The following NTN1 variants were observed in gnomAD, a reference collection of about 807,000 sequenced individuals.
NTN1 encodes netrin-1.
A neutral mutation model predicts 54.2 loss-of-function variants in NTN1; 11 were observed. The observed-to-expected ratio is 0.20, with a 90% CI of 0.13 to 0.34. The LOEUF is 0.34. Among genes scored for constraint, NTN1 ranks in the 10% least tolerant of loss-of-function variants. NTN1 has a pLI of 1.00. For synonymous variants in NTN1, 371 were observed against 382.0 expected (o/e 0.97, Z 0.33); for missense variants, 740 against 893.1 (o/e 0.83, Z 2.18).
intron 2 of NTN1, among the ~76,000 whole-genome samples, chr17:9,141,304 G>A (rs1437941662): frequency 1.3e-5 from 2 of 151,990 alleles, no homozygotes. Flanking sequence ...AGGGGGGGGA[G>A]AAGGGCAAGC....
chr17:9,184,654 T>A (rs911332072), intron 5 of NTN1, among the ~76,000 whole-genome samples: 2 of 152,180 alleles, frequency 1.3e-5, no homozygotes, highest in Non-Finnish European at 2.9e-5. Context: ...TATCTCTCCA[T>A]CTCCGTCTTT....
intron 2 of NTN1, among the ~76,000 whole-genome samples, chr17:9,088,254 A>G (rs911209357): frequency 1.3e-5 from 2 of 152,222 alleles, no homozygotes; most frequent in Non-Finnish European, 2.9e-5. Flanking sequence ...GTTGGCTTCA[A>G]GGGTCTTTTG....
At chr17:9,115,092 G>A (rs1198770485) in intron 2 of NTN1, among the ~76,000 whole-genome samples, 2 of 152,228 alleles carry the variant, frequency 1.3e-5, no homozygotes, top group Non-Finnish European at 2.9e-5. Flanking sequence ...ATTCTGCTCT[G>A]TGCAAACTCC....
At chr17:9,054,512 G>A (rs904411539) in intron 2 of NTN1, among the ~76,000 whole-genome samples, 1 of 152,212 alleles carries the variant, frequency 6.6e-6, no homozygotes, top group African/African-American at 2.4e-5. Context: ...ATCTTGCCTT[G>A]TAGAGGGGGG....
At chr17:9,206,091 C>T (rs1025212320) in intron 5 of NTN1, among the ~76,000 whole-genome samples, 5 of 152,110 alleles carry the variant, frequency 3.3e-5, no homozygotes, top group South Asian at 2.1e-4. Flanking sequence ...GGGGTGACTT[C>T]GCGGTAGAAG....
intron 3 of NTN1, among the ~76,000 whole-genome samples, chr17:9,168,866 T>G (rs966797733): frequency 6.6e-6 from 1 of 152,150 alleles, no homozygotes; most frequent in African/African-American, 2.4e-5. Context: ...GGAAAAGGGT[T>G]GGTCATCTGA....
chr17:9,097,413 G>A (rs1382353932), intron 2 of NTN1, among the ~76,000 whole-genome samples: 4 of 152,044 alleles, frequency 2.6e-5, no homozygotes, highest in South Asian at 2.1e-4. Context: ...TCACGAGGTC[G>A]GGAGTTCAAG....
chr17:9,144,227 T>G (rs1372717029), intron 2 of NTN1, among the ~76,000 whole-genome samples: 1 of 151,732 alleles, frequency 6.6e-6, no homozygotes, highest in African/African-American at 2.4e-5. Context: ...CTCCCCATAA[T>G]GAACTCATCC....
the NTN1 span, among the ~76,000 whole-genome samples, chr17:9,008,348 C>A: frequency 1.3e-5 from 2 of 150,944 alleles, no homozygotes; most frequent in East Asian, 3.9e-4. Flanking sequence ...AGATGGAGTC[C>A]CACTCTGTCC....
intron 2 of NTN1, among the ~76,000 whole-genome samples, chr17:9,143,706 T>C (rs2092304861): frequency 6.6e-6 from 1 of 152,162 alleles, no homozygotes; most frequent in Non-Finnish European, 1.5e-5. Flanking sequence ...AATGAGAATC[T>C]CTTAAAATGG....
chr17:9,123,739 C>G (rs867917996), intron 2 of NTN1, among the ~76,000 whole-genome samples: 1 of 152,100 alleles, frequency 6.6e-6, no homozygotes, highest in Non-Finnish European at 1.5e-5. Flanking sequence ...TTCCCACCCC[C>G]CATTTTGGGG....
intron 2 of NTN1, among the ~76,000 whole-genome samples, chr17:9,089,765 C>T (rs1568901): frequency 0.83 from 125,879 of 152,178 alleles, 52,465 homozygotes; most frequent in East Asian, 1. Flanking sequence ...CGTTCGCAGC[C>T]GCAGCCGCTT....
At chr17:9,113,786 C>T (rs1467587622) in intron 2 of NTN1, among the ~76,000 whole-genome samples, 3 of 152,052 alleles carry the variant, frequency 2.0e-5, no homozygotes, top group Non-Finnish European at 4.4e-5. Context: ...ATGTTCACTG[C>T]AATGTTGTTT....
At chr17:9,193,281 A>G (rs1904518130) in intron 5 of NTN1, among the ~76,000 whole-genome samples, 1 of 152,126 alleles carries the variant, frequency 6.6e-6, no homozygotes. Context: ...ATGTGATTCA[A>G]CTCATTATAA....
chr17:9,073,305 A>G (rs2092038764), intron 2 of NTN1, among the ~76,000 whole-genome samples: 1 of 152,220 alleles, frequency 6.6e-6, no homozygotes, highest in South Asian at 2.1e-4. Flanking sequence ...AAGGTGATTC[A>G]GAGAGTTGAA....
intron 2 of NTN1, among the ~76,000 whole-genome samples, chr17:9,067,705 T>A (rs1396307297): frequency 6.6e-6 from 1 of 152,184 alleles, no homozygotes; most frequent in Non-Finnish European, 1.5e-5. Flanking sequence ...CCATCGTGTT[T>A]ATGCTGTGCA....
chr17:9,100,261 CCTG>C (rs1442291990), intron 2 of NTN1, among the ~76,000 whole-genome samples: 1 of 151,868 alleles, frequency 6.6e-6, no homozygotes, highest in African/African-American at 2.4e-5. Flanking sequence ...TATTTGGTAA[CCTG>C]CTTTTTCTGC....
chr17:9,065,269 C>G (rs1294063560), intron 2 of NTN1, among the ~76,000 whole-genome samples: 1 of 152,138 alleles, frequency 6.6e-6, no homozygotes, highest in Non-Finnish European at 1.5e-5. Flanking sequence ...AATACCCTTG[C>G]TATAAACCCA....
At chr17:9,067,158 C>T (rs1175597857) in intron 2 of NTN1, among the ~76,000 whole-genome samples, 1 of 146,958 alleles carries the variant, frequency 6.8e-6, no homozygotes, top group East Asian at 2.0e-4. Context: ...TCTCAGCTAC[C>T]TGGGAGGCTG....
Sources: gnomAD v4.1 joint callset for allele counts (sites outside exome capture counted in the v4.1 genomes callset) on GRCh38, gnomAD v4.1.1 for gene constraint, MANE v1.5 for transcripts, NCBI Gene and HGNC (gene_info 2026-07-23, HGNC 2026-07-21) for gene names.